The following EBPL variants were observed in gnomAD, a reference collection of about 807,000 sequenced individuals.
EBPL encodes EBP like, also known as emopamil-binding protein-like.
In EBPL, 20 loss-of-function variants were observed where a neutral mutation model predicts 19.0. The ratio of observed to expected loss-of-function variants is 1.05; its 90% CI spans 0.74 to 1.53. The LOEUF (loss-of-function observed/expected upper bound fraction) is 1.53. Among genes scored for constraint, EBPL ranks in the 40% most tolerant of loss-of-function variants. The pLI is 0.00. For synonymous variants in EBPL, 107 were observed against 117.0 expected, an observed-to-expected ratio of 0.91 and a Z score of 0.55; for missense variants, 219 against 261.1, an observed-to-expected ratio of 0.84 and a Z score of 1.11.
chr13:49,662,317 A>C (rs899763280), intron 3 of EBPL, among the ~76,000 whole-genome samples: 4 of 152,066 alleles, frequency 2.6e-5, no homozygotes, highest in Admixed American at 2.0e-4. Context: ...CGCCTGCCCC[A>C]TATCCTTCAC....
chr13:49,691,312 G>GC lies in EBPL; in HGVS notation c.112dup (p.Ala38GlyfsTer51). On this transcript the variant is annotated frameshift_variant, in exon 1 of 4. Transcript: ENST00000242827. LOFTEE classifies it high-confidence loss of function. ...CCAGATGAGCGCCCCGCGGTCCGCC[G>GC]CCCCCTGCCCGCGGCCCAGGCGCAG... The GC allele has an allele frequency of 7.3e-7, 1 of 1,363,546 alleles. No homozygotes were observed. Among genetic ancestry groups the GC allele is most frequent in the Non-Finnish European group, 9.5e-7 (1 of 1,054,468 alleles). 84.5% of individuals were successfully genotyped at this position (1,363,546 alleles called of 1,614,324 possible).
rs188432053 is a variant in EBPL, at chr13:49,685,446, C to T, written c.171+5808G>A. On this transcript the variant is annotated intron_variant, in intron 1 of 3. Coordinates refer to ENST00000242827, the MANE Select transcript of EBPL (RefSeq NM_032565.5). Reference sequence around the variant, plus strand: ...AATTGTTTGTACTAATATATGAACACCTTTTATAGATCATTAAGGAAAAGA... The same window carrying T: ...AATTGTTTGTACTAATATATGAACATCTTTTATAGATCATTAAGGAAAAGA... Among the ~76,000 whole-genome samples the T allele has an allele frequency of 3.5e-3, 538 of 152,250 alleles. 2 individuals are homozygous for T. Among genetic ancestry groups the T allele is most frequent in the Non-Finnish European group, 6.5e-3 (442 of 68,032 alleles).
chr13:49,688,760 GGCAACT>G (rs1954029079), intron 1 of EBPL, among the ~76,000 whole-genome samples: 1 of 150,838 alleles, frequency 6.6e-6, no homozygotes, highest in Non-Finnish European at 1.5e-5. Context: ...GTTAAGGAGA[GGCAACT>G]CATCTTCTAG....
intron 2 of EBPL, among the ~76,000 whole-genome samples, chr13:49,667,759 C>T (rs2137487889): frequency 6.6e-6 from 1 of 152,292 alleles, no homozygotes; most frequent in South Asian, 2.1e-4. Flanking sequence ...AGCTGGGGCT[C>T]CAGGCTCGTG....
intron 1 of EBPL, among the ~76,000 whole-genome samples, chr13:49,670,801 C>T (rs1009425897): frequency 6.6e-6 from 1 of 152,180 alleles, no homozygotes; most frequent in African/African-American, 2.4e-5. Flanking sequence ...CTCACTCACT[C>T]ATCAATTTTG....
At chr13:49,665,910 C>T (rs1965220057) in intron 2 of EBPL, among the ~76,000 whole-genome samples, 1 of 152,124 alleles carries the variant, frequency 6.6e-6, no homozygotes, top group Non-Finnish European at 1.5e-5. Context: ...GGAAGACTTC[C>T]TGGAGGAGGT....
At chr13:49,665,094 A>G (rs1261177195) in intron 2 of EBPL, among the ~76,000 whole-genome samples, 1 of 151,484 alleles carries the variant, frequency 6.6e-6, no homozygotes, top group Non-Finnish European at 1.5e-5. Context: ...TTAGGAACAA[A>G]AAGAGATATT....
intron 2 of EBPL, among the ~76,000 whole-genome samples, chr13:49,666,239 C>T (rs1965225737): frequency 6.6e-6 from 1 of 152,186 alleles, no homozygotes; most frequent in Non-Finnish European, 1.5e-5. Flanking sequence ...CTGGTGGGAA[C>T]TGAAGCCTGC....
chr13:49,688,472 C>T (rs1006765302), intron 1 of EBPL, among the ~76,000 whole-genome samples: 1 of 152,184 alleles, frequency 6.6e-6, no homozygotes, highest in Non-Finnish European at 1.5e-5. Flanking sequence ...GTAATCCCAG[C>T]ACTTTGGAAG....
intron 3 of EBPL, chr13:49,661,758 A>G (rs1307875227): frequency 2.0e-6 from 3 of 1,485,900 alleles, no homozygotes; most frequent in Non-Finnish European, 2.7e-6. Context: ...CCAAGGAAAA[A>G]TTTAATTTTT....
At position 49,691,234 on chromosome 13, in the gene EBPL, G is replaced by A; in HGVS notation, c.171+20C>T. ...CACTCTCTGGGATGGGGAGTGCAGG[G>A]TCTAGGCGATGGCACTTACCAGCGC... On this transcript the variant is annotated intron_variant, in intron 1 of 3. Transcript: ENST00000242827. 7.3e-7 allele frequency: 1 copy of A among 1,363,890 alleles called. No individual in the cohort carries two copies. Among genetic ancestry groups the A allele is most frequent in the Non-Finnish European group, 9.5e-7 (1 of 1,057,180 alleles). The allele number at this position is 1,363,890 out of a possible 1,614,324, so 84.5% of individuals were successfully genotyped here. A position where few individuals can be genotyped will look rare whatever the true frequency, so the allele number is the denominator to read the frequency against.
intron 1 of EBPL, chr13:49,686,391 T>C: frequency 5.0e-6 from 6 of 1,209,256 alleles, no homozygotes; most frequent in Non-Finnish European, 6.3e-6. Flanking sequence ...CTCCTCTACC[T>C]GGCCTATAAG....
At position 49,691,183 on chromosome 13, in the gene EBPL, T is replaced by C. The variant is rs748139325; in HGVS notation, c.171+71A>G. On this transcript the variant is annotated intron_variant, in intron 1 of 3. Transcript: ENST00000242827. Reference sequence around the variant, plus strand: ...CGCTGCAAAAAGCCGCAGGACCCCCTCACCCCGCCTTGCCGCCCCCGCTCC... The same window carrying C: ...CGCTGCAAAAAGCCGCAGGACCCCCCCACCCCGCCTTGCCGCCCCCGCTCC... 1,575 of 1,230,150 alleles carry C rather than the reference T, an allele frequency of 1.3e-3. 3 individuals are homozygous for C. The highest frequency in any genetic ancestry group is 1.5e-3 in the Non-Finnish European group (1,456 of 974,652). 76.2% of individuals were successfully genotyped at this position (1,230,150 alleles called of 1,614,324 possible). A position where few individuals can be genotyped will look rare whatever the true frequency, so the allele number is the denominator to read the frequency against.
chr13:49,674,577 A>C (rs1053017788), intron 1 of EBPL, among the ~76,000 whole-genome samples: 9 of 139,278 alleles, frequency 6.5e-5, no homozygotes, highest in Admixed American at 7.7e-5. Flanking sequence ...ACCATGACTA[A>C]ATGAATGGGC....
At chr13:49,676,363 G>A (rs140171607) in intron 1 of EBPL, among the ~76,000 whole-genome samples, 1 of 152,188 alleles carries the variant, frequency 6.6e-6, no homozygotes, top group Non-Finnish European at 1.5e-5. Context: ...AGGCTGAGGC[G>A]GACGGACCAC....
At position 49,666,132 on chromosome 13, in the gene EBPL, G is replaced by A. The variant is rs573676770; in HGVS notation, c.242-2937C>T. Among the ~76,000 whole-genome samples, 11 of 152,294 alleles carry A rather than the reference G, an allele frequency of 7.2e-5. No individual in the cohort carries two copies. In the East Asian group the frequency reaches 1.4e-3, roughly 19 times the overall value. On this transcript the variant is annotated intron_variant, in intron 2 of 3. Transcript: ENST00000242827. ...GGAACAGTGTTCGGGCAGGGGCCAC[G>A]CAGGCAGGCTTTGCAGTAACAAGAG... is the stretch of plus-strand genomic sequence containing the variant.
intron 1 of EBPL, among the ~76,000 whole-genome samples, chr13:49,676,356 C>T (rs1236012308): frequency 6.6e-6 from 1 of 152,180 alleles, no homozygotes; most frequent in Non-Finnish European, 1.5e-5. Context: ...CTTTGGGAGG[C>T]TGAGGCGGAC....
At chr13:49,683,782 G>A (rs1453405981) in intron 1 of EBPL, among the ~76,000 whole-genome samples, 1 of 152,150 alleles carries the variant, frequency 6.6e-6, no homozygotes, top group Non-Finnish European at 1.5e-5. Flanking sequence ...TACAGCCGCC[G>A]TGGAAAGCAG....
intron 1 of EBPL, among the ~76,000 whole-genome samples, chr13:49,676,194 G>T (rs980158403): frequency 2.4e-4 from 37 of 152,212 alleles, no homozygotes; most frequent in African/African-American, 8.4e-4. Context: ...ATTTTCATAA[G>T]AATCTGAGAA....
Sources: allele counts gnomAD v4.1 joint callset (sites outside exome capture counted in the v4.1 genomes callset), GRCh38; gene constraint gnomAD v4.1.1; transcripts MANE v1.5; gene names NCBI Gene and HGNC (gene_info 2026-07-23, HGNC 2026-07-21).